ORC3: variants seen among roughly 807,000 people sequenced by gnomAD.
ORC3 encodes homolog of latheo, Drosophila.
In ORC3, 78 loss-of-function variants were observed where a neutral mutation model predicts 100.7. The observed-to-expected ratio is 0.77, with a 90% CI of 0.65 to 0.94. The LOEUF is 0.94. ORC3 is among the 40% of genes least tolerant of loss of function. The pLI is 0.00. For missense variants in ORC3, 789 were observed against 823.9 expected, an observed-to-expected ratio of 0.96 and a Z score of 0.52; for synonymous variants, 295 against 289.3, an observed-to-expected ratio of 1.02 and a Z score of -0.20.
intron 12 of ORC3, 36 bp from the exon 13 acceptor site, chr6:87,636,371 C>CT: frequency 7.5e-7 from 1 of 1,341,174 alleles, no homozygotes; most frequent in East Asian, 2.3e-5. Flanking sequence ...TGTGTATACA[C>CT]TTTTGGTTCC....
At chr6:87,670,202 ACT>A (rs1562392622), downstream of ORC3, among the ~76,000 whole-genome samples, 1 of 151,984 alleles carries the variant, frequency 6.6e-6, no homozygotes, top group East Asian at 1.9e-4. Context: ...ACAGAATTTC[ACT>A]CTGTCACCCA....
chr6:87,674,197 G>A, the ORC3 span, among the ~76,000 whole-genome samples: 3 of 151,554 alleles, frequency 2.0e-5, no homozygotes, highest in African/African-American at 7.3e-5. Flanking sequence ...AGCAACTCAG[G>A]AGGCTGAGGC....
chr6:87,621,346 T>C lies in ORC3; in HGVS notation c.988-8T>C. Reference sequence around the variant, plus strand: ...AACAAATATGTTTAATCTTCACATGTCTTTCAGCTTTCTCTATTAGAGCAT... The same window carrying C: ...AACAAATATGTTTAATCTTCACATGCCTTTCAGCTTTCTCTATTAGAGCAT... On this transcript the variant is annotated splice_region_variant and splice_polypyrimidine_tract_variant and intron_variant, in intron 9 of 19. Coordinates refer to ENST00000392844, the MANE Select transcript of ORC3 (RefSeq NM_012381.4). 6.6e-7 allele frequency: 1 copy of C among 1,505,868 alleles called. No homozygotes were observed. The highest frequency in any genetic ancestry group is 8.8e-7 in the Non-Finnish European group (1 of 1,131,922). The allele number at this position is 1,505,868 out of a possible 1,614,324, so 93.3% of individuals were successfully genotyped here.
At position 87,629,251 on chromosome 6, in the gene ORC3, AAC is replaced by A. The variant is rs1223626550; in HGVS notation, c.1186-5592_1186-5591del. The stretch of plus-strand genomic sequence containing the variant: ...CTGATATCTCTTAATCCTAAAATTC[AAC>A]AGTCTGTTTTACCAGTTTTTAATGA... On this transcript the variant is annotated intron_variant, in intron 11 of 19. Coordinates refer to ENST00000392844, the MANE Select transcript of ORC3 (RefSeq NM_012381.4). Among the ~76,000 whole-genome samples the A allele has an allele frequency of 5.3e-5, 8 of 152,352 alleles. No individual in the cohort carries two copies. The East Asian group carries it at 1.3e-3, about 26-fold the overall frequency.
At chr6:87,618,988 GAA>G (rs1779355246) in intron 9 of ORC3, among the ~76,000 whole-genome samples, 1 of 152,172 alleles carries the variant, frequency 6.6e-6, no homozygotes, top group Non-Finnish European at 1.5e-5. Context: ...GTGCTCAGGA[GAA>G]AGATTTGGAC....
rs1310581527 is a variant in ORC3, at chr6:87,621,956, G to C, written c.1128G>C (p.Val376=). The change falls in exon 11 of 20, where the codon GTG becomes GTC. Residue 376 remains valine (V), a synonymous_variant. Coordinates refer to ENST00000392844, the MANE Select transcript of ORC3 (RefSeq NM_012381.4). ...GGAATGGTGAAAATTCTAGGTACGT[G>C]GAAAAGCAAGCTTCAGAAAAGCAAG... ...IRRLPSFRRY[V]EKQASEKQVA... is the part of the protein sequence containing the mutation. 6.2e-7 allele frequency: 1 copy of C among 1,603,024 alleles called. No homozygotes were observed. The highest frequency in any genetic ancestry group is 1.7e-5 in the Admixed American group (1 of 59,094).
At chr6:87,664,630 C>G (rs571508100) in intron 17 of ORC3, 113 bp from the exon 18 acceptor site, 2 of 786,938 alleles carry the variant, frequency 2.5e-6, no homozygotes, top group East Asian at 5.4e-5. Context: ...ATAAGGGAAA[C>G]CAAGATTCCA....
At chr6:87,631,025 C>T (rs987117934) in intron 11 of ORC3, among the ~76,000 whole-genome samples, 2 of 151,928 alleles carry the variant, frequency 1.3e-5, no homozygotes, top group Non-Finnish European at 2.9e-5. Context: ...CACATGCCAC[C>T]ATGCCCAGCT....
rs142897073 is a variant in ORC3, at chr6:87,598,287, C to T, written c.80-3497C>T. ...GTCCACCTGCCTTGGCCTCCCAAAG[C>T]GCTGGGATTATAGACCCAGACTGTT... On this transcript the variant is annotated intron_variant, in intron 2 of 19. Coordinates refer to ENST00000392844, the MANE Select transcript of ORC3 (RefSeq NM_012381.4). 1.9e-3 allele frequency among the ~76,000 whole-genome samples: 288 copies of T among 152,198 alleles called. 1 individual carries two copies. Among genetic ancestry groups the T allele is most frequent in the African/African-American group, 6.5e-3 (268 of 41,516 alleles).
At chr6:87,648,190 ACT>A (rs1460330548) in intron 13 of ORC3, among the ~76,000 whole-genome samples, 2 of 152,098 alleles carry the variant, frequency 1.3e-5, no homozygotes, top group South Asian at 2.1e-4. Context: ...ACAGAGCAAG[ACT>A]CTGCCTCAAA....
chr6:87,597,676 TATATACAC>T (rs1195220917), intron 2 of ORC3, among the ~76,000 whole-genome samples: 11 of 130,170 alleles, frequency 8.5e-5, no homozygotes, highest in African/African-American at 3.4e-4. Flanking sequence ...ATGATATATA[TATATACAC>T]ACACACACAC....
At chr6:87,672,327 T>C (rs749535486), downstream of ORC3, among the ~76,000 whole-genome samples, 7 of 152,164 alleles carry the variant, frequency 4.6e-5, no homozygotes, top group Non-Finnish European at 1.0e-4. Context: ...CAAAAGATTT[T>C]TTAATAACAT....
chr6:87,623,226 A>T (rs897232481), intron 11 of ORC3, among the ~76,000 whole-genome samples: 2 of 152,238 alleles, frequency 1.3e-5, no homozygotes, highest in Non-Finnish European at 2.9e-5. Context: ...TTTATTAAAC[A>T]TTATTTCTAA....
At chr6:87,600,740 G>A (rs1319371541) in intron 2 of ORC3, among the ~76,000 whole-genome samples, 4 of 152,112 alleles carry the variant, frequency 2.6e-5, no homozygotes, top group South Asian at 2.1e-4. Context: ...AATAAAGGAG[G>A]GTTTTTCAAA....
At position 87,656,831 on chromosome 6, in the gene ORC3, G is replaced by A. The variant is rs1769741225; in HGVS notation, c.1517-75G>A. ...TATATATAGGTGAAACTTTTACTTT[G>A]GAGTAGTAGAAATGTTTGTTCCCTT... On this transcript the variant is annotated intron_variant, in intron 14 of 19. Coordinates refer to ENST00000392844, the MANE Select transcript of ORC3 (RefSeq NM_012381.4). 3.3e-6 allele frequency: 3 copies of A among 895,856 alleles called. No homozygotes were observed. In the East Asian group the frequency reaches 7.4e-5, roughly 22 times the overall value. 55.5% of individuals were successfully genotyped at this position (895,856 alleles called of 1,614,324 possible). A position where few individuals can be genotyped will look rare whatever the true frequency, so the allele number is the denominator to read the frequency against.
intron 8 of ORC3, among the ~76,000 whole-genome samples, chr6:87,615,290 C>T (rs1030802191): frequency 6.6e-6 from 1 of 152,146 alleles, no homozygotes; most frequent in African/African-American, 2.4e-5. Context: ...CCAGGTCCCT[C>T]CCACAGCACT....
downstream of ORC3, among the ~76,000 whole-genome samples, chr6:87,672,179 C>CTGTT (rs1219500597): frequency 6.6e-6 from 1 of 151,870 alleles, no homozygotes; most frequent in Non-Finnish European, 1.5e-5. Context: ...GTCAACTTTT[C>CTGTT]TGTTTGAATT....
intron 2 of ORC3, among the ~76,000 whole-genome samples, chr6:87,599,266 T>C (rs1159205404): frequency 6.6e-6 from 1 of 152,210 alleles, no homozygotes; most frequent in Non-Finnish European, 1.5e-5. Context: ...CACTTTCATG[T>C]TATGCTATGA....
chr6:87,675,496 T>C, the ORC3 span: 1 of 1,507,386 alleles, frequency 6.6e-7, no homozygotes, highest in Non-Finnish European at 9.2e-7. Context: ...AAATAACCTG[T>C]ATTCACAGAA....
Sources: gnomAD v4.1 joint callset for allele counts (sites outside exome capture counted in the v4.1 genomes callset) on GRCh38, gnomAD v4.1.1 for gene constraint, MANE v1.5 for transcripts, NCBI Gene and HGNC (gene_info 2026-07-23, HGNC 2026-07-21) for gene names.